LDB2: variants seen among roughly 807,000 people sequenced by gnomAD.
The protein encoded by LDB2 is LIM domain-binding protein 2.
A neutral mutation model predicts 44.3 loss-of-function variants in LDB2; 12 were observed. That is an observed-to-expected ratio of 0.27 (90% CI 0.17 to 0.44). LDB2 has a LOEUF of 0.44. LDB2 is among the 20% of genes least tolerant of loss of function. LDB2 has a pLI of 1.00. For missense variants in LDB2, 344 were observed against 473.5 expected, an observed-to-expected ratio of 0.73 and a Z score of 2.54; for synonymous variants, 164 against 174.8, an observed-to-expected ratio of 0.94 and a Z score of 0.49.
At chr4:16,622,654 A>T (rs919500944) in intron 2 of LDB2, among the ~76,000 whole-genome samples, 14 of 152,186 alleles carry the variant, frequency 9.2e-5, no homozygotes, top group African/African-American at 3.4e-4. Context: ...AATATTTCAC[A>T]GCTTTAAATG....
In LDB2 at chr4:16,739,652, GTGTATATA is replaced by G. The variant is rs1469392656; in HGVS notation, c.235+19498_235+19505del. ...TGTATATATGTATATATACATATGTGTGTATATATGTATATATACATATGTGTGTATAT... is the reference window on the plus strand; with the variant it reads ...TGTATATATGTATATATACATATGTGTGTATATATACATATGTGTGTATAT... On this transcript the variant is annotated intron_variant, in intron 2 of 7. Coordinates refer to ENST00000304523, the MANE Select transcript of LDB2 (RefSeq NM_001290.5). Among the ~76,000 whole-genome samples the G allele has an allele frequency of 6.4e-5, 4 of 62,128 alleles. 2 individuals are homozygous for G. The highest frequency in any genetic ancestry group is 1.3e-4 in the African/African-American group (2 of 15,382). 40.8% of individuals were successfully genotyped at this position (62,128 alleles called of 152,430 possible). A position where few individuals can be genotyped will look rare whatever the true frequency, so the allele number is the denominator to read the frequency against.
intron 1 of LDB2, among the ~76,000 whole-genome samples, chr4:16,875,937 AG>A (rs1718238108): frequency 6.6e-6 from 1 of 152,160 alleles, no homozygotes; most frequent in Non-Finnish European, 1.5e-5. Flanking sequence ...CAGGCATTAT[AG>A]GAAGTAGGAA....
intron 1 of LDB2, among the ~76,000 whole-genome samples, chr4:16,839,918 C>T (rs148988276): frequency 1.3e-5 from 2 of 152,300 alleles, no homozygotes; most frequent in Non-Finnish European, 2.9e-5. Context: ...CACACATACA[C>T]ACACATGCAC....
chr4:16,819,062 T>C (rs527744519), intron 1 of LDB2, among the ~76,000 whole-genome samples: 17 of 151,092 alleles, frequency 1.1e-4, no homozygotes, highest in African/African-American at 4.1e-4. Flanking sequence ...TGAGTACTGC[T>C]TGTGAATCTT....
intron 1 of LDB2, among the ~76,000 whole-genome samples, chr4:16,843,628 T>A (rs1786332540): frequency 6.6e-6 from 1 of 152,206 alleles, no homozygotes; most frequent in East Asian, 1.9e-4. Context: ...CTTTTTTTTG[T>A]TTTTGTTTTC....
intron 6 of LDB2, among the ~76,000 whole-genome samples, chr4:16,509,123 A>G (rs1720721727): frequency 6.6e-6 from 1 of 152,198 alleles, no homozygotes; most frequent in Non-Finnish European, 1.5e-5. Flanking sequence ...CGAGTGAAGT[A>G]TGAACTTTAA....
At chr4:16,808,417 A>T (rs1157691165) in intron 1 of LDB2, among the ~76,000 whole-genome samples, 3 of 152,174 alleles carry the variant, frequency 2.0e-5, no homozygotes, top group Admixed American at 1.3e-4. Context: ...TTTAGTAATG[A>T]CCAGTGGAGG....
chr4:16,897,937 T>C (rs1050482141), intron 1 of LDB2, among the ~76,000 whole-genome samples: 4,429 of 18,884 alleles, frequency 0.23, 314 homozygotes, highest in Non-Finnish European at 0.27. Flanking sequence ...TATATATATA[T>C]ACACATATGT....
At chr4:16,803,208 G>T (rs183295821) in intron 1 of LDB2, among the ~76,000 whole-genome samples, 1 of 152,042 alleles carries the variant, frequency 6.6e-6, no homozygotes, top group African/African-American at 2.4e-5. Flanking sequence ...TTCTTTTACC[G>T]CTAACCCATC....
chr4:16,731,765 C>T (rs1760815536), intron 2 of LDB2, among the ~76,000 whole-genome samples: 2 of 152,174 alleles, frequency 1.3e-5, no homozygotes, highest in South Asian at 2.1e-4. Flanking sequence ...CCTCAGCCTG[C>T]TTTAGTCTCC....
intron 2 of LDB2, among the ~76,000 whole-genome samples, chr4:16,612,914 G>C (rs1726091345): frequency 6.6e-6 from 1 of 152,120 alleles, no homozygotes; most frequent in African/African-American, 2.4e-5. Flanking sequence ...GAAAACTTTA[G>C]GCCAATAACC....
chr4:16,599,617 A>C (rs991539068), intron 2 of LDB2, among the ~76,000 whole-genome samples: 2 of 152,100 alleles, frequency 1.3e-5, no homozygotes, highest in African/African-American at 4.8e-5. Context: ...CTGTTCTACA[A>C]GGGAGAGCAA....
intron 1 of LDB2, among the ~76,000 whole-genome samples, chr4:16,835,069 C>T (rs1275509307): frequency 6.6e-6 from 1 of 152,142 alleles, no homozygotes; most frequent in Non-Finnish European, 1.5e-5. Context: ...TATTATGCCG[C>T]ATAGACAATG....
chr4:16,896,161 T>A (rs1019108717), intron 1 of LDB2, among the ~76,000 whole-genome samples: 1 of 151,890 alleles, frequency 6.6e-6, no homozygotes, highest in East Asian at 1.9e-4. Flanking sequence ...GGCAGGGAGG[T>A]TTAAAAAAAT....
intron 1 of LDB2, among the ~76,000 whole-genome samples, chr4:16,800,959 G>A (rs1340698142): frequency 6.6e-6 from 1 of 152,198 alleles, no homozygotes; most frequent in Non-Finnish European, 1.5e-5. Flanking sequence ...ACAGGCGTGA[G>A]CCACCGCGCC....
chr4:16,558,298 G>A (rs1436563720), intron 5 of LDB2, among the ~76,000 whole-genome samples: 2 of 152,088 alleles, frequency 1.3e-5, no homozygotes, highest in African/African-American at 4.8e-5. Flanking sequence ...AGGCAAAGAA[G>A]TTAAAAACTT....
chr4:16,894,969 C>T (rs898302209), intron 1 of LDB2, among the ~76,000 whole-genome samples: 2 of 151,638 alleles, frequency 1.3e-5, no homozygotes, highest in Non-Finnish European at 2.9e-5. Context: ...AAATACATAA[C>T]GGAACTCACA....
chr4:16,809,745 A>C (rs75712434), intron 1 of LDB2, among the ~76,000 whole-genome samples: 19 of 99,034 alleles, frequency 1.9e-4, no homozygotes, highest in Admixed American at 1.4e-3. Flanking sequence ...AACAAACAAA[A>C]AAAAAACGGA....
chr4:16,864,104 G>A (rs956312329), intron 1 of LDB2, among the ~76,000 whole-genome samples: 1 of 152,148 alleles, frequency 6.6e-6, no homozygotes, highest in Non-Finnish European at 1.5e-5. Flanking sequence ...TCACATGAGA[G>A]AGAGGGAGAG....
Sources: allele counts gnomAD v4.1 joint callset (sites outside exome capture counted in the v4.1 genomes callset), GRCh38; gene constraint gnomAD v4.1.1; transcripts MANE v1.5; gene names NCBI Gene and HGNC (gene_info 2026-07-23, HGNC 2026-07-21).